EXOC7: variants seen among roughly 807,000 people sequenced by gnomAD.
EXOC7 encodes exocyst complex component Exo70.
A neutral mutation model predicts 87.6 loss-of-function variants in EXOC7; 51 were observed. The ratio of observed to expected loss-of-function variants is 0.58; its 90% CI spans 0.46 to 0.73. The LOEUF is 0.73. Among genes scored for constraint, EXOC7 ranks in the 30% least tolerant of loss-of-function variants. EXOC7 has a pLI of 0.00. For missense variants in EXOC7, 744 were observed against 888.4 expected, an observed-to-expected ratio of 0.84 and a Z score of 2.07; for synonymous variants, 327 against 357.1, an observed-to-expected ratio of 0.92 and a Z score of 0.95.
chr17:76,083,538 T>C lies in EXOC7; in HGVS notation c.*110A>G. On this transcript the variant is annotated 3_prime_UTR_variant, in exon 19 of 19. Coordinates refer to ENST00000589210, the MANE Select transcript of EXOC7 (RefSeq NM_001013839.4). ...CAGCTCCCGGAGGCGTGGAGACAGG[T>C]CTCTGTCCCAGAGGACTTCAAGCTC... 2 of 1,044,840 alleles carry C rather than the reference T, an allele frequency of 1.9e-6. No individual in the cohort carries two copies. Among genetic ancestry groups the C allele is most frequent in the Admixed American group, 3.5e-5 (2 of 56,982 alleles). 64.7% of individuals were successfully genotyped at this position (1,044,840 alleles called of 1,614,324 possible).
chr17:76,098,222 C>A, intron 4 of EXOC7: 1 of 547,158 alleles, frequency 1.8e-6, no homozygotes, highest in South Asian at 2.1e-5. Flanking sequence ...CTGCAACCTC[C>A]GACTTCCTGG....
At chr17:76,098,168 C>T (rs187734819) in intron 4 of EXOC7, 150 bp from the exon 5 acceptor site, 15 of 628,558 alleles carry the variant, frequency 2.4e-5, no homozygotes, top group East Asian at 1.4e-4. Context: ...GAGGGAGTCT[C>T]GCTCTGTCAC....
rs779883597 is a variant in EXOC7, at chr17:76,081,800, C to T, written c.*1848G>A. ...CCAGTCTGCCCTGTTTCTCCCCGGT[C>T]ACCCACTGGTGCTCAGCTCGCTGGG... On this transcript the variant is annotated 3_prime_UTR_variant, in exon 19 of 19. Transcript: ENST00000589210. 3 of 1,613,060 alleles carry T rather than the reference C, an allele frequency of 1.9e-6. No individual in the cohort carries two copies. The highest frequency in any genetic ancestry group is 2.5e-6 in the Non-Finnish European group (3 of 1,179,284).
At chr17:76,089,079 C>G (rs928041606) in intron 8 of EXOC7, 96 bp downstream of exon 8, 7 of 1,566,582 alleles carry the variant, frequency 4.5e-6, no homozygotes, top group Non-Finnish European at 6.1e-6. Context: ...CCCCAGGGCA[C>G]GAGGTGGTGG....
At position 76,091,150 on chromosome 17, in the gene EXOC7, A is replaced by C. The variant is rs2067460377; in HGVS notation, c.894T>G (p.Pro298=). ...DGKKGGSNLI[P]LEGRDDMLDV... ...GGAACACAGGGTGATTACCTTCCAG[A>C]GGAATGAGGTTAGAGCCCCCCTTTT... Residue 298 remains proline (P), a synonymous_variant, in exon 7 of 19, where the codon CCT becomes CCG. Coordinates refer to ENST00000589210, the MANE Select transcript of EXOC7 (RefSeq NM_001013839.4). The C allele has an allele frequency of 1.2e-6, 2 of 1,613,536 alleles. No homozygotes were observed. The highest frequency in any genetic ancestry group is 3.3e-4 in the Middle Eastern group (2 of 6,062).
chr17:76,088,614 T>A (rs1285648813), intron 9 of EXOC7, 52 bp from the exon 10 acceptor site: 2 of 1,596,156 alleles, frequency 1.3e-6, no homozygotes, highest in South Asian at 1.1e-5. Context: ...TCTGTGAGCA[T>A]CTCACTCACC....
chr17:76,089,434 G>A, intron 7 of EXOC7, 114 bp from the exon 8 acceptor site: 1 of 1,351,126 alleles, frequency 7.4e-7, no homozygotes, highest in East Asian at 2.4e-5. Flanking sequence ...AGAGGATGGG[G>A]AAGAGGCTGA....
intron 13 of EXOC7, 135 bp downstream of exon 13, chr17:76,085,945 G>A: frequency 6.6e-7 from 1 of 1,508,562 alleles, no homozygotes; most frequent in South Asian, 1.2e-5. Context: ...TGAACTAGAG[G>A]TCAGGTTGTG....
chr17:76,088,578 G>C lies in EXOC7; in HGVS notation c.1201-16C>G. 6.2e-7 allele frequency: 1 copy of C among 1,610,986 alleles called. No homozygotes were observed. Among genetic ancestry groups the C allele is most frequent in the South Asian group, 1.1e-5 (1 of 90,730 alleles). On this transcript the variant is annotated splice_polypyrimidine_tract_variant and intron_variant, in intron 9 of 18. Transcript: ENST00000589210. ...CAGCCGTGCCCTGAGGAAGCACAGG[G>C]GAGCCCCCAGCTCACCTCCAGTCGC...
intron 4 of EXOC7, 32 bp downstream of exon 4, chr17:76,101,238 CA>C: frequency 2.5e-6 from 4 of 1,614,088 alleles, no homozygotes; most frequent in Non-Finnish European, 2.5e-6. Context: ...CTGATATCCC[CA>C]AGCTTCTCAC....
chr17:76,097,863 C>A lies in EXOC7; in HGVS notation c.573G>T (p.Leu191=), dbSNP rs2067849392. 10 of 1,613,988 alleles carry A rather than the reference C, an allele frequency of 6.2e-6. No homozygotes were observed. The highest frequency in any genetic ancestry group is 1.3e-5 in the African/African-American group (1 of 74,910). ...EAQEDVTLEH[L]PESVLQDVIR... is the part of the protein sequence containing the mutation. ...TGACATCCTGGAGCACGCTCTCGGG[C>A]AGGTGCTCCAGGGTCACGTCCTCCT... Residue 191 remains leucine (L), a synonymous_variant, in exon 5 of 19, where the codon CTG becomes CTT. Coordinates refer to ENST00000589210, the MANE Select transcript of EXOC7 (RefSeq NM_001013839.4).
rs755709345 is a variant in EXOC7 at position 76,081,628 on chromosome 17, G to A, written c.*2020C>T. 10 of 1,614,118 alleles carry A rather than the reference G, an allele frequency of 6.2e-6. No individual in the cohort carries two copies. Among genetic ancestry groups the A allele is most frequent in the South Asian group, 2.2e-5 (2 of 91,086 alleles). ...CACTGCTGTTGGCTGACGTGTGCGGGGGGTTGCTGCCCCTCCGGGCCATTG... is the reference window on the plus strand; with the variant it reads ...CACTGCTGTTGGCTGACGTGTGCGGAGGGTTGCTGCCCCTCCGGGCCATTG... On this transcript the variant is annotated 3_prime_UTR_variant, in exon 19 of 19. Transcript: ENST00000589210.
At chr17:76,102,638 G>T (rs1473045514) in intron 2 of EXOC7, among the ~76,000 whole-genome samples, 1 of 152,104 alleles carries the variant, frequency 6.6e-6, no homozygotes, top group Non-Finnish European at 1.5e-5. Context: ...AAAATTTTTA[G>T]AAAAGGACTA....
At chr17:76,091,957 ATAGT>A (rs761125204) in intron 6 of EXOC7, among the ~76,000 whole-genome samples, 6 of 152,218 alleles carry the variant, frequency 3.9e-5, no homozygotes, top group South Asian at 4.1e-4. Context: ...GAGAAAAACA[ATAGT>A]TAGTATCACA....
chr17:76,091,548 A>C, intron 6 of EXOC7: 1 of 316,386 alleles, frequency 3.2e-6, no homozygotes, highest in East Asian at 7.7e-5. Flanking sequence ...TGGCATCATA[A>C]TCAGAACAGG....
Position 76,081,738 on chromosome 17 carries a change from C to T in EXOC7, c.*1910G>A. 6.2e-7 allele frequency: 1 copy of T among 1,614,084 alleles called. No homozygotes were observed. The highest frequency in any genetic ancestry group is 8.5e-7 in the Non-Finnish European group (1 of 1,179,994). On this transcript the variant is annotated 3_prime_UTR_variant, in exon 19 of 19. Transcript: ENST00000589210. ...GTGCAGGCCCTGCCCAGCTCCTCCT[C>T]CTGCAACCCACTGCTCAGTAAGCCC...
chr17:76,097,233 C>T (rs1266951835), intron 5 of EXOC7, among the ~76,000 whole-genome samples: 1 of 152,102 alleles, frequency 6.6e-6, no homozygotes, highest in Admixed American at 6.6e-5. Context: ...TCACCCATGG[C>T]TTTGAAAATT....
Position 76,086,063 on chromosome 17 carries a change from C to T in EXOC7, c.1495+17G>A, listed in dbSNP as rs370342693. On this transcript the variant is annotated intron_variant, in intron 13 of 18. Coordinates refer to ENST00000589210, the MANE Select transcript of EXOC7 (RefSeq NM_001013839.4). ...TGCAGGCAGCAGGGCTGCTGGTCTG[C>T]CCGGGAGAACACTCACAGATATAGG... is the stretch of plus-strand genomic sequence containing the variant. 70 of 1,612,890 alleles carry T rather than the reference C, an allele frequency of 4.3e-5. No individual in the cohort carries two copies. Among genetic ancestry groups the T allele is most frequent in the Non-Finnish European group, 5.9e-5 (70 of 1,179,914 alleles).
At chr17:76,091,337 T>A (rs2067472547) in intron 6 of EXOC7, 102 bp from the exon 7 acceptor site, 1 of 881,500 alleles carries the variant, frequency 1.1e-6, no homozygotes, top group South Asian at 1.4e-5. Flanking sequence ...CGCACCCAGC[T>A]CCCCAACAGT....
Sources: allele counts gnomAD v4.1 joint callset (sites outside exome capture counted in the v4.1 genomes callset), GRCh38; gene constraint gnomAD v4.1.1; transcripts MANE v1.5; gene names NCBI Gene and HGNC (gene_info 2026-07-23, HGNC 2026-07-21).